Variants in MSN observed in about 807,000 individuals in gnomAD.
MSN encodes moesin.
MSN carries 2 observed loss-of-function variants against 48.0 expected under a neutral mutation model. The observed-to-expected ratio is 0.04, with a 90% CI of 0.02 to 0.13. MSN has a LOEUF of 0.13. Ranked by LOEUF, MSN falls within the 10% of genes least tolerant of loss-of-function variation. The probability of loss-of-function intolerance (pLI) is 1.00; values close to 1 mark genes in which losing one functional copy is unlikely to be tolerated. For synonymous variants in MSN, 146 were observed against 166.9 expected (o/e 0.87, Z 0.97); for missense variants, 267 against 470.1 (o/e 0.57, Z 3.99).
At chrX:65,611,078 G>C (rs1030325397) in intron 1 of MSN, among the ~76,000 whole-genome samples, 1 of 110,327 alleles carries the variant, frequency 9.1e-6, no homozygotes, top group Non-Finnish European at 1.9e-5. Flanking sequence ...TTTTCTTTCT[G>C]TCTCAATGAA....
chrX:65,625,172 G>C (rs1260504551), intron 1 of MSN: 2 of 112,381 alleles, frequency 1.8e-5, no homozygotes, highest in Admixed American at 1.9e-4. Context: ...AAATTTATTG[G>C]GACTTGTTTT....
chrX:65,617,179 G>T (rs1353102270), intron 1 of MSN, among the ~76,000 whole-genome samples: 1 of 104,890 alleles, frequency 9.5e-6, no homozygotes, highest in Non-Finnish European at 1.9e-5. Flanking sequence ...TTTTTTTGTT[G>T]TGTCTGTGCC....
intron 1 of MSN, among the ~76,000 whole-genome samples, chrX:65,622,673 C>A (rs180960682): frequency 2.0e-4 from 22 of 109,366 alleles, no homozygotes; most frequent in Non-Finnish European, 4.0e-4. Flanking sequence ...CACACCCCTA[C>A]ACCCAGCTAG....
At chrX:65,692,624 A>G (rs1163485394) in intron 1 of MSN, among the ~76,000 whole-genome samples, 1 of 112,734 alleles carries the variant, frequency 8.9e-6, no homozygotes, top group Non-Finnish European at 1.9e-5. Context: ...TGTATGTATC[A>G]TAAAAATAAG....
intron 1 of MSN, among the ~76,000 whole-genome samples, chrX:65,630,834 T>C (rs1074297): frequency 0.018 from 2,035 of 111,849 alleles, 55 homozygotes; most frequent in African/African-American, 0.062. Context: ...CATGTGTCAA[T>C]ACTTCCTTTT....
chrX:65,702,847 A>C (rs1470061457), intron 1 of MSN, among the ~76,000 whole-genome samples: 2 of 111,753 alleles, frequency 1.8e-5, no homozygotes, highest in African/African-American at 3.3e-5. Flanking sequence ...GCAGCCTTTG[A>C]AAATAATAAG....
chrX:65,641,120 A>G (rs775668518), intron 1 of MSN, among the ~76,000 whole-genome samples: 1 of 111,436 alleles, frequency 9.0e-6, no homozygotes, highest in Non-Finnish European at 1.9e-5. Context: ...AAATAAATAA[A>G]TAAATCTTGG....
chrX:65,722,907 G>A (rs1295667327), intron 2 of MSN, among the ~76,000 whole-genome samples: 4 of 111,276 alleles, frequency 3.6e-5, no homozygotes, highest in Non-Finnish European at 7.5e-5. Context: ...CCTGATCTCC[G>A]CTCCCCTCTA....
upstream of MSN, among the ~76,000 whole-genome samples, chrX:65,666,165 G>A (rs2070867588): frequency 9.2e-6 from 1 of 108,379 alleles, no homozygotes; most frequent in Non-Finnish European, 1.9e-5. Flanking sequence ...ATCACACCCG[G>A]CTAATTTTTT....
chrX:65,673,269 A>G (rs187694911), intron 1 of MSN, among the ~76,000 whole-genome samples: 1 of 111,643 alleles, frequency 9.0e-6, no homozygotes, highest in African/African-American at 3.3e-5. Flanking sequence ...TGATAGTAGA[A>G]TAGTCCTTTT....
chrX:65,716,909 G>T lies in MSN; in HGVS notation c.96+8G>T. On this transcript the variant is annotated splice_region_variant and intron_variant, in intron 2 of 12. Transcript: ENST00000360270. The stretch of plus-strand genomic sequence containing the variant: ...AAGCAGCTATTTGACCAGGTAAGGC[G>T]GAGACTCCTTAGCCTCCTCTCCTTC... The T allele has an allele frequency of 1.7e-6, 2 of 1,203,083 alleles. No individual in the cohort carries two copies. Among genetic ancestry groups the T allele is most frequent in the Non-Finnish European group, 2.3e-6 (2 of 888,633 alleles).
At chrX:65,699,622 G>T (rs960337425) in intron 1 of MSN, among the ~76,000 whole-genome samples, 4 of 109,323 alleles carry the variant, frequency 3.7e-5, no homozygotes, top group Non-Finnish European at 7.6e-5. Flanking sequence ...GGTGGTGGGC[G>T]CCTGTAGTCC....
At chrX:65,607,905 T>C (rs1399453346) in intron 1 of MSN, among the ~76,000 whole-genome samples, 1 of 111,675 alleles carries the variant, frequency 9.0e-6, no homozygotes, top group African/African-American at 3.3e-5. Flanking sequence ...GGAGGATCAC[T>C]TGAGCCCAAG....
chrX:65,619,806 C>T (rs1384929188), intron 1 of MSN, among the ~76,000 whole-genome samples: 1 of 108,723 alleles, frequency 9.2e-6, no homozygotes, highest in African/African-American at 3.6e-5. Context: ...GTTTCCAGTT[C>T]TTCTGTTCCG....
At chrX:65,614,406 G>A (rs1480507761) in intron 1 of MSN, among the ~76,000 whole-genome samples, 2 of 109,620 alleles carry the variant, frequency 1.8e-5, no homozygotes, top group Non-Finnish European at 3.8e-5. Flanking sequence ...CTAATTTTGT[G>A]GAGAAAGTCA....
chrX:65,663,464 T>G (rs1328314913), upstream of MSN, among the ~76,000 whole-genome samples: 2 of 110,570 alleles, frequency 1.8e-5, no homozygotes, highest in Non-Finnish European at 3.8e-5. Flanking sequence ...AAACAACAAA[T>G]GCTGGCGAGG....
At chrX:65,650,190 C>T (rs1422223390) in intron 1 of MSN, among the ~76,000 whole-genome samples, 12 of 106,780 alleles carry the variant, frequency 1.1e-4, no homozygotes, top group Non-Finnish European at 1.5e-4. Flanking sequence ...TGGGTTCAAG[C>T]GATTCTTGCA....
chrX:65,640,386 TAA>T (rs567701203), intron 1 of MSN, among the ~76,000 whole-genome samples: 1 of 109,418 alleles, frequency 9.1e-6, no homozygotes, highest in African/African-American at 3.3e-5. Context: ...TAAAAATAAA[TAA>T]AAAAAAATTA....
Position 65,609,918 on chromosome X carries a change from T to C in MSN, c.-22+21306T>C, listed in dbSNP as rs1456483333. Among the ~76,000 whole-genome samples the C allele has an allele frequency of 2.7e-5, 3 of 111,203 alleles. No homozygotes were observed. In the Admixed American group the frequency reaches 2.9e-4, roughly 11 times the overall value. On this transcript the variant is annotated intron_variant, in intron 1 of 3. Transcript: ENST00000609672. ...AGTAGATTTCCTGACAACTTATTTG[T>C]GTGTATGTTGTCTGTCTCCTCTCAC... is the stretch of plus-strand genomic sequence containing the variant.
Sources: allele counts gnomAD v4.1 joint callset (sites outside exome capture counted in the v4.1 genomes callset), GRCh38; gene constraint gnomAD v4.1.1; transcripts MANE v1.5; gene names NCBI Gene and HGNC (gene_info 2026-07-23, HGNC 2026-07-21).